ZNF519: variants seen among roughly 807,000 people sequenced by gnomAD.
ZNF519 encodes zinc finger protein 519, also known as similar to Zinc finger protein 85 (Zinc finger protein HPF4) (HTF1).
In ZNF519, 7 loss-of-function variants were observed where a neutral mutation model predicts 7.4. The observed-to-expected ratio is 0.94, with a 90% confidence interval of 0.54 to 1.77. ZNF519 has a LOEUF of 1.77. Ranked by LOEUF, ZNF519 falls within the 40% of genes most tolerant of loss-of-function variation. The pLI is 0.00. For synonymous variants in ZNF519, 179 were observed against 203.3 expected (o/e 0.88, Z 1.02); for missense variants, 586 against 623.1 (o/e 0.94, Z 0.63).
chr18:14,108,739 T>C (rs1317202990), intron 2 of ZNF519, among the ~76,000 whole-genome samples: 1 of 152,122 alleles, frequency 6.6e-6, no homozygotes, highest in South Asian at 2.1e-4. Flanking sequence ...GTAGCTATAC[T>C]TATATCAGAC....
At chr18:14,083,142 G>C (rs1172317722) in intron 3 of ZNF519, among the ~76,000 whole-genome samples, 1 of 152,184 alleles carries the variant, frequency 6.6e-6, no homozygotes, top group African/African-American at 2.4e-5. Flanking sequence ...ATGAGGCCAG[G>C]AGTTTAAGAC....
rs1284244492 is a variant in ZNF519, at chr18:14,106,083, CAG to C, written c.455_456del (p.Ser152CysfsTer4). On this transcript the variant is annotated frameshift_variant, in exon 3 of 3. Transcript: ENST00000590202. LOFTEE classifies it low-confidence loss of function (END_TRUNC). ...MNKYQHKFLK[S>X]VFCNKNQINF... is the part of the protein sequence containing the mutation. ...TTTATCTGATTTTTATTACAAAAGA[CAG>C]ATTTCAAAAATTTATGTTGATATTT... 1.2e-6 allele frequency: 2 copies of C among 1,605,130 alleles called. No individual in the cohort carries two copies. The highest frequency in any genetic ancestry group is 1.3e-5 in the African/African-American group (1 of 74,228).
chr18:14,073,155 T>A (rs955408646), downstream of ZNF519: 3 of 152,172 alleles, frequency 2.0e-5, no homozygotes, highest in South Asian at 2.1e-4. Flanking sequence ...GCTGATAAAT[T>A]CAGGTTTGTC....
downstream of ZNF519, chr18:14,072,086 T>C (rs2046030492): frequency 6.6e-6 from 1 of 152,220 alleles, no homozygotes; most frequent in African/African-American, 2.4e-5. Flanking sequence ...AGAATGTTTC[T>C]TGCATTTTCA....
At chr18:14,080,777 C>G (rs184502839) in intron 3 of ZNF519, among the ~76,000 whole-genome samples, 154 of 152,248 alleles carry the variant, frequency 1.0e-3, no homozygotes, top group Non-Finnish European at 2.1e-3. Flanking sequence ...TGGAAGCAGT[C>G]AAGATGCTGT....
chr18:14,113,632 T>C (rs1230195201), intron 2 of ZNF519, among the ~76,000 whole-genome samples: 1 of 152,042 alleles, frequency 6.6e-6, no homozygotes, highest in East Asian at 1.9e-4. Context: ...CTCTCTGATG[T>C]CCTGATTTCC....
At chr18:14,087,016 T>G (rs2080101) in intron 2 of ZNF519, among the ~76,000 whole-genome samples, 9 of 152,122 alleles carry the variant, frequency 5.9e-5, no homozygotes, top group African/African-American at 2.2e-4. Flanking sequence ...TAAATCCCAT[T>G]GCACATCGTG....
rs186201025 is a variant in ZNF519 at position 14,086,896 on chromosome 18, C to T, written c.131-1820G>A. Among the ~76,000 whole-genome samples, 43 of 149,936 alleles carry T rather than the reference C, an allele frequency of 2.9e-4. No individual in the cohort carries two copies. The East Asian group carries it at 7.7e-3, about 27-fold the overall frequency. ...AAGAATCAATGAGCTCAAAGACAGG[C>T]TTTTTGAAAAGATATCAAATCAGAC... On this transcript the variant is annotated intron_variant and NMD_transcript_variant, in intron 2 of 4. Transcript: ENST00000587419.
intron 2 of ZNF519, among the ~76,000 whole-genome samples, chr18:14,112,392 AT>A (rs1178601136): frequency 6.6e-6 from 1 of 152,174 alleles, no homozygotes; most frequent in Non-Finnish European, 1.5e-5. Context: ...TTTTCCTAAG[AT>A]TGAGAACATG....
Position 14,102,272 on chromosome 18 carries a change from A to G in ZNF519, c.*2645T>C, listed in dbSNP as rs766307715. 6.6e-6 allele frequency: 1 copy of G among 152,074 alleles called. No individual in the cohort carries two copies. Among genetic ancestry groups the G allele is most frequent in the Non-Finnish European group, 1.5e-5 (1 of 68,056 alleles). 9.4% of individuals were successfully genotyped at this position (152,074 alleles called of 1,614,324 possible). A position where few individuals can be genotyped will look rare whatever the true frequency, so the allele number is the denominator to read the frequency against. The stretch of plus-strand genomic sequence containing the variant: ...AACCTCCACCTCTCAGGTTTAAGTG[A>G]TTTTCCTGTCTCAGCCTCCCAAGTA... On this transcript the variant is annotated 3_prime_UTR_variant, in exon 3 of 3. Coordinates refer to ENST00000590202, the MANE Select transcript of ZNF519 (RefSeq NM_145287.4).
At chr18:14,095,729 C>T (rs1402773046), downstream of ZNF519, among the ~76,000 whole-genome samples, 1 of 152,250 alleles carries the variant, frequency 6.6e-6, no homozygotes, top group Admixed American at 6.5e-5. Context: ...CAAGCTAGTA[C>T]TGAGCTGTAA....
intron 2 of ZNF519, among the ~76,000 whole-genome samples, chr18:14,088,255 T>G (rs1049641378): frequency 2.6e-5 from 4 of 152,224 alleles, no homozygotes; most frequent in Non-Finnish European, 5.9e-5. Flanking sequence ...AGAGAAAGTC[T>G]TGTTCCAAAG....
chr18:14,108,007 C>A (rs2046202699), intron 2 of ZNF519, among the ~76,000 whole-genome samples: 1 of 152,186 alleles, frequency 6.6e-6, no homozygotes, highest in Non-Finnish European at 1.5e-5. Flanking sequence ...GAACTCACTA[C>A]TCTGAAGGAA....
At chr18:14,115,662 A>G (rs943652241) in intron 2 of ZNF519, among the ~76,000 whole-genome samples, 45 of 152,354 alleles carry the variant, frequency 3.0e-4, no homozygotes, top group Admixed American at 2.7e-3. Context: ...AAGTAAGTGG[A>G]AAGAACCAAC....
intron 2 of ZNF519, among the ~76,000 whole-genome samples, chr18:14,120,120 G>A (rs2046263554): frequency 6.6e-6 from 1 of 151,912 alleles, no homozygotes; most frequent in Admixed American, 6.6e-5. Flanking sequence ...AACAAAGCTG[G>A]GGGCATCATA....
rs78897165 is a variant in ZNF519, at chr18:14,118,655, G to T, written c.130+5695C>A. 5.2e-3 allele frequency among the ~76,000 whole-genome samples: 790 copies of T among 152,258 alleles called. 9 individuals carry two copies. The highest frequency in any genetic ancestry group is 0.018 in the African/African-American group (768 of 41,544). ...AGCCCATGGACATGGCTACAGACAAGGAAATGGCGCACCGAACTTGGTCTT... is the reference window on the plus strand; with the variant it reads ...AGCCCATGGACATGGCTACAGACAATGAAATGGCGCACCGAACTTGGTCTT... On this transcript the variant is annotated intron_variant, in intron 2 of 2. Transcript: ENST00000590202.
At chr18:14,079,015 C>A (rs1020274738) in intron 3 of ZNF519, among the ~76,000 whole-genome samples, 1 of 152,150 alleles carries the variant, frequency 6.6e-6, no homozygotes, top group Admixed American at 6.6e-5. Context: ...CATAAGCTGG[C>A]AGATTTTGGT....
At chr18:14,121,832 A>G (rs2046270949) in intron 2 of ZNF519, 2 of 152,190 alleles carry the variant, frequency 1.3e-5, no homozygotes, top group South Asian at 2.1e-4. Context: ...AGACAAAATT[A>G]TAAGATAATA....
rs768108425 is a variant in ZNF519 at position 14,105,494 on chromosome 18, T to G, written c.1046A>C (p.Lys349Thr). 1 of 1,613,962 alleles carries G rather than the reference T, an allele frequency of 6.2e-7. No individual in the cohort carries two copies. Among genetic ancestry groups the G allele is most frequent in the Non-Finnish European group, 8.5e-7 (1 of 1,179,990 alleles). The change falls in exon 3 of 3, where the codon AAA (lysine) becomes ACA (threonine). Residue 349 changes from lysine to threonine, a missense_variant. Physicochemically the swap from Lys to Thr is moderately conservative, Grantham distance 78. Transcript: ENST00000590202. ...QRIHTGERAF[K>T]CEECGKAFNR... ...AAAGGCTTTGCCACATTCTTCACAT[T>G]TGAAAGCTCTCTCTCCAGTATGGAT...
Sources: allele counts gnomAD v4.1 joint callset (sites outside exome capture counted in the v4.1 genomes callset), GRCh38; gene constraint gnomAD v4.1.1; transcripts MANE v1.5; gene names NCBI Gene and HGNC (gene_info 2026-07-23, HGNC 2026-07-21).